TRDN: variants seen among roughly 807,000 people sequenced by gnomAD.
TRDN encodes the protein triadin, also known as triadin in skeletal muscle.
TRDN carries 161 observed loss-of-function variants against 149.7 expected under a neutral mutation model. The observed-to-expected ratio is 1.08, with a 90% CI of 0.95 to 1.23. The LOEUF (loss-of-function observed/expected upper bound fraction) is 1.23. TRDN is among the 50% of genes most tolerant of loss of function. TRDN has a pLI of 0.00. For synonymous variants in TRDN, 294 were observed against 250.5 expected (o/e 1.17, Z -1.64); for missense variants, 896 against 823.5 (o/e 1.09, Z -1.08).
In TRDN at chr6:123,516,203, G is replaced by A; in HGVS notation, c.488C>T (p.Thr163Ile). Reference protein sequence around the residue: ...KPERKIQTKVTHKEKEKGKEK... With the variant: ...KPERKIQTKVIHKEKEKGKEK... ...TTTTCCTTTTTCTTTTTCTTTGTGT[G>A]TAACTGAAAAGAAACAGATAAATAG... The change falls in exon 6 of 41, where the codon ACA becomes ATA. Residue 163 changes from threonine (T) to isoleucine (I), a missense_variant. Transcript: ENST00000334268. 2.7e-6 allele frequency: 4 copies of A among 1,477,452 alleles called. No homozygotes were observed. Among genetic ancestry groups the A allele is most frequent in the Admixed American group, 2.2e-5 (1 of 45,264 alleles). 91.5% of individuals were successfully genotyped at this position (1,477,452 alleles called of 1,614,324 possible).
At chr6:123,296,963 A>T (rs1778225117) in intron 24 of TRDN, among the ~76,000 whole-genome samples, 1 of 152,146 alleles carries the variant, frequency 6.6e-6, no homozygotes. Context: ...GTGACCTGAT[A>T]GATAAGAAGT....
chr6:123,431,985 G>C (rs1347972793), intron 12 of TRDN, among the ~76,000 whole-genome samples: 1 of 152,100 alleles, frequency 6.6e-6, no homozygotes, highest in African/African-American at 2.4e-5. Flanking sequence ...GTTTTAGTTT[G>C]TGCAGAATAT....
At chr6:123,464,300 T>G (rs940869404) in intron 10 of TRDN, 3 of 984,850 alleles carry the variant, frequency 3.0e-6, no homozygotes, top group Non-Finnish European at 3.6e-6. Context: ...GACATCATAT[T>G]TTCAAGAATT....
chr6:123,361,698 T>C (rs1347670497), intron 20 of TRDN, among the ~76,000 whole-genome samples: 1 of 152,184 alleles, frequency 6.6e-6, no homozygotes, highest in South Asian at 2.1e-4. Context: ...AAATTCTGTA[T>C]TGAAAATTAT....
At chr6:123,282,428 A>T (rs1188728657) in intron 24 of TRDN, among the ~76,000 whole-genome samples, 2 of 151,964 alleles carry the variant, frequency 1.3e-5, no homozygotes, top group East Asian at 3.9e-4. Flanking sequence ...TTTCTGATCC[A>T]CATATCTGTA....
intron 24 of TRDN, among the ~76,000 whole-genome samples, chr6:123,282,625 A>T (rs1044701145): frequency 1.3e-5 from 2 of 151,846 alleles, no homozygotes; most frequent in Admixed American, 1.3e-4. Context: ...TCATTGTAAA[A>T]GTAGAAAAAA....
At chr6:123,395,350 CTGTT>C (rs913427381) in intron 12 of TRDN, among the ~76,000 whole-genome samples, 75 of 152,242 alleles carry the variant, frequency 4.9e-4, no homozygotes, top group African/African-American at 1.5e-3. Context: ...CTCCCACAGA[CTGTT>C]TGGTTTCTCT....
chr6:123,342,918 A>G (rs1780118148), intron 21 of TRDN, among the ~76,000 whole-genome samples: 2 of 152,062 alleles, frequency 1.3e-5, no homozygotes, highest in African/African-American at 4.8e-5. Flanking sequence ...TCGAAATTCC[A>G]CAACTATCTG....
intron 2 of TRDN, among the ~76,000 whole-genome samples, chr6:123,565,874 C>A (rs1444112919): frequency 6.6e-6 from 1 of 152,202 alleles, no homozygotes; most frequent in African/African-American, 2.4e-5. Context: ...TGGTGAGAGA[C>A]AAACAAGTCT....
At chr6:123,390,627 A>C (rs1782071955) in intron 13 of TRDN, among the ~76,000 whole-genome samples, 1 of 152,088 alleles carries the variant, frequency 6.6e-6, no homozygotes, top group African/African-American at 2.4e-5. Context: ...CCCACAAGCT[A>C]ATCAAAGCCA....
chr6:123,474,041 G>A (rs1480707633), intron 9 of TRDN, among the ~76,000 whole-genome samples: 1 of 151,464 alleles, frequency 6.6e-6, no homozygotes, highest in Non-Finnish European at 1.5e-5. Flanking sequence ...ATCAACTAAC[G>A]AGCAAAATAA....
chr6:123,262,336 G>C (rs893765062), intron 33 of TRDN, among the ~76,000 whole-genome samples: 1 of 152,016 alleles, frequency 6.6e-6, no homozygotes, highest in African/African-American at 2.4e-5. Flanking sequence ...ATTGAAAGTA[G>C]ATAAGAGAGA....
intron 38 of TRDN, among the ~76,000 whole-genome samples, chr6:123,242,852 T>G (rs1009769707): frequency 1.3e-5 from 2 of 151,748 alleles, no homozygotes; most frequent in African/African-American, 2.4e-5. Flanking sequence ...AAGATTAACA[T>G]GGAGAGCTGC....
At position 123,502,428 on chromosome 6, in the gene TRDN, T is replaced by G. The variant is rs1219981506; in HGVS notation, c.793+1291A>C. ...ATGACTTATATCTTAAAATAATAAA[T>G]TAAAATTATCTAAATTTAAAGGTTT... On this transcript the variant is annotated intron_variant, in intron 8 of 40. Coordinates refer to ENST00000334268, the MANE Select transcript of TRDN (RefSeq NM_006073.4). The G allele has an allele frequency of 6.4e-6, 4 of 624,998 alleles. No individual in the cohort carries two copies. The African/African-American group carries it at 8.0e-5, about 12-fold the overall frequency. The allele number at this position is 624,998 out of a possible 1,614,324, so 38.7% of individuals were successfully genotyped here.
intron 29 of TRDN, among the ~76,000 whole-genome samples, chr6:123,271,523 A>G (rs1777206380): frequency 6.6e-6 from 1 of 152,034 alleles, no homozygotes; most frequent in South Asian, 2.1e-4. Context: ...TTCCCTTACT[A>G]TTATTAAATT....
At chr6:123,308,808 G>T (rs368409660) in intron 24 of TRDN, among the ~76,000 whole-genome samples, 81 of 152,130 alleles carry the variant, frequency 5.3e-4, no homozygotes, top group African/African-American at 1.8e-3. Context: ...AGTACAGAGA[G>T]AATGATAGTC....
At chr6:123,610,202 G>T (rs1583319677) in intron 1 of TRDN, among the ~76,000 whole-genome samples, 4 of 152,248 alleles carry the variant, frequency 2.6e-5, no homozygotes, top group Admixed American at 2.6e-4. Flanking sequence ...AAATGCCAGG[G>T]TATTAAAAAT....
At chr6:123,604,624 T>A (rs1241825666) in intron 1 of TRDN, among the ~76,000 whole-genome samples, 2 of 152,142 alleles carry the variant, frequency 1.3e-5, no homozygotes, top group East Asian at 3.9e-4. Flanking sequence ...GTTTTTGTGA[T>A]AAGAGGCCAA....
chr6:123,446,340 A>G (rs988400369), intron 10 of TRDN, among the ~76,000 whole-genome samples: 1 of 152,100 alleles, frequency 6.6e-6, no homozygotes, highest in Non-Finnish European at 1.5e-5. Context: ...TACATATGTA[A>G]CTAACCTGCA....
Sources: gnomAD v4.1 joint callset for allele counts (sites outside exome capture counted in the v4.1 genomes callset) on GRCh38, gnomAD v4.1.1 for gene constraint, MANE v1.5 for transcripts, NCBI Gene and HGNC (gene_info 2026-07-23, HGNC 2026-07-21) for gene names.